Variants in CCDC180 observed in about 807,000 individuals in gnomAD.
The protein encoded by CCDC180 is coiled-coil domain-containing protein 180.
Under a neutral mutation model 209.2 loss-of-function variants are expected in CCDC180, and 154 were observed. That is an observed-to-expected ratio of 0.74 (90% CI 0.65 to 0.84). The LOEUF is 0.84. Among genes scored for constraint, CCDC180 ranks in the 40% least tolerant of loss-of-function variants. The probability of loss-of-function intolerance (pLI) is 0.00; values close to 1 mark genes in which losing one functional copy is unlikely to be tolerated. For missense variants in CCDC180, 1,874 were observed against 1,997.3 expected (o/e 0.94, Z 1.18); for synonymous variants, 778 against 749.1 (o/e 1.04, Z -0.63).
chr9:97,333,711 T>A (rs1339754503), intron 18 of CCDC180, among the ~76,000 whole-genome samples: 1 of 151,936 alleles, frequency 6.6e-6, no homozygotes, highest in Admixed American at 6.6e-5. Flanking sequence ...TGTTGGAGTT[T>A]TTTTTTGTAT....
chr9:97,322,743 G>A, intron 11 of CCDC180, 90 bp from the exon 12 acceptor site: 1 of 1,054,318 alleles, frequency 9.5e-7, no homozygotes, highest in Non-Finnish European at 1.5e-6. Context: ...TGTTGCTGTG[G>A]AGGCATTTTG....
chr9:97,339,583 T>G (rs576585716), intron 18 of CCDC180, among the ~76,000 whole-genome samples: 2 of 152,324 alleles, frequency 1.3e-5, no homozygotes, highest in Admixed American at 6.5e-5. Flanking sequence ...CTCTGGCTGC[T>G]CTTGGCATTT....
At chr9:97,315,802 G>A (rs1269703704) in intron 8 of CCDC180, among the ~76,000 whole-genome samples, 1 of 152,160 alleles carries the variant, frequency 6.6e-6, no homozygotes, top group Non-Finnish European at 1.5e-5. Context: ...GCCCAGATGT[G>A]GAAGCTTCTG....
At chr9:97,307,549 C>A, upstream of CCDC180, 2 of 622,040 alleles carry the variant, frequency 3.2e-6, no homozygotes, top group Admixed American at 5.5e-5. Flanking sequence ...TGACCTGAAT[C>A]AGGTTACTCT....
At chr9:97,334,672 C>T (rs1196057572) in intron 18 of CCDC180, among the ~76,000 whole-genome samples, 1 of 151,900 alleles carries the variant, frequency 6.6e-6, no homozygotes, top group South Asian at 2.1e-4. Context: ...GCTATTTTTT[C>T]CCACTGATGA....
At chr9:97,336,661 CA>C (rs1564159582) in intron 18 of CCDC180, among the ~76,000 whole-genome samples, 2 of 151,932 alleles carry the variant, frequency 1.3e-5, no homozygotes, top group African/African-American at 4.8e-5. Context: ...TTTTTGGCTC[CA>C]TATAGACTTT....
chr9:97,309,396 G>A lies in CCDC180; in HGVS notation c.70-18G>A, dbSNP rs751888188. ...CAGCTCTGACCACTCCCCCATCCTT[G>A]GTCCTCCCTGGATTCAGGTGCAGCT... On this transcript the variant is annotated intron_variant, in intron 2 of 36. Coordinates refer to ENST00000529487, the MANE Select transcript of CCDC180 (RefSeq NM_020893.6). 3.8e-6 allele frequency: 6 copies of A among 1,594,828 alleles called. No individual in the cohort carries two copies. The Admixed American group carries it at 5.3e-5, about 14-fold the overall frequency.
chr9:97,309,381 C>A, intron 2 of CCDC180, 33 bp from the exon 3 acceptor site: 2 of 1,588,378 alleles, frequency 1.3e-6, no homozygotes, highest in South Asian at 2.3e-5. Context: ...CAGCTCTGAC[C>A]ACTCCCCCAT....
chr9:97,312,700 G>A (rs1319338771), intron 4 of CCDC180, among the ~76,000 whole-genome samples: 1 of 71,562 alleles, frequency 1.4e-5, no homozygotes, highest in Non-Finnish European at 2.6e-5. Context: ...ACCCACCCCC[G>A]GTTAACCCAC....
At chr9:97,357,857 A>T in intron 25 of CCDC180, 132 bp downstream of exon 25, 1 of 660,624 alleles carries the variant, frequency 1.5e-6, no homozygotes, top group South Asian at 2.1e-5. Context: ...GACATCTCTG[A>T]GCCTTCCTAC....
chr9:97,318,394 T>C (rs1833247511), intron 9 of CCDC180, 69 bp from the exon 10 acceptor site: 4 of 1,575,476 alleles, frequency 2.5e-6, no homozygotes, highest in Middle Eastern at 1.7e-4. Context: ...ACCATGGTTC[T>C]CTTTCCCTCT....
intron 29 of CCDC180, 47 bp from the exon 30 acceptor site, chr9:97,365,626 T>C (rs777174142): frequency 1.3e-6 from 2 of 1,546,496 alleles, no homozygotes; most frequent in South Asian, 2.2e-5. Context: ...TCCATGTTTG[T>C]GTGTCTAGAC....
intron 18 of CCDC180, among the ~76,000 whole-genome samples, chr9:97,332,046 A>G (rs1331711927): frequency 6.6e-6 from 1 of 152,138 alleles, no homozygotes; most frequent in Admixed American, 6.6e-5. Context: ...ACATTTAAGT[A>G]TTTAATTCAT....
intron 22 of CCDC180, among the ~76,000 whole-genome samples, 195 bp from the exon 23 acceptor site, chr9:97,354,374 T>G (rs142795190): frequency 5.5e-4 from 84 of 152,330 alleles, no homozygotes; most frequent in Non-Finnish European, 9.7e-4. Flanking sequence ...TCCAACCTGA[T>G]GAACTGACAA....
At chr9:97,333,041 T>C (rs1442859191) in intron 18 of CCDC180, among the ~76,000 whole-genome samples, 1 of 152,218 alleles carries the variant, frequency 6.6e-6, no homozygotes, top group Non-Finnish European at 1.5e-5. Flanking sequence ...GTATGTTCTT[T>C]CAATGCCTAG....
rs774655587 is a variant in CCDC180 at position 97,330,369 on chromosome 9, A to G, written c.1876A>G (p.Lys626Glu). 5.0e-6 allele frequency: 8 copies of G among 1,614,042 alleles called. No homozygotes were observed. The highest frequency in any genetic ancestry group is 6.8e-6 in the Non-Finnish European group (8 of 1,180,040). Residue 626 changes from lysine to glutamate, a missense_variant, in exon 18 of 37, where the codon AAG becomes GAG. Transcript: ENST00000529487. ...GAAGAGAGTGAAAAAACTGAGGAAG[A>G]AGCAAGGGTCTAAAGAGGACATGAC... is the stretch of plus-strand genomic sequence containing the variant. ...SQKRVKKLRKKQGSKEDMTRS... is the reference protein window; with the variant it reads ...SQKRVKKLRKEQGSKEDMTRS...
chr9:97,342,399 C>T (rs141012147), intron 18 of CCDC180, among the ~76,000 whole-genome samples: 98 of 149,716 alleles, frequency 6.5e-4, no homozygotes, highest in Non-Finnish European at 8.8e-4. Context: ...AATGATCTGC[C>T]GCCTCAGCCT....
At chr9:97,314,158 T>C (rs933613416) in intron 5 of CCDC180, among the ~76,000 whole-genome samples, 2 of 152,246 alleles carry the variant, frequency 1.3e-5, no homozygotes, top group Non-Finnish European at 1.5e-5. Flanking sequence ...CTAGGCCCGA[T>C]GTCAGCAGCC....
Position 97,376,899 on chromosome 9 carries a change from C to T in CCDC180, c.*5C>T. ...ATCCAAGGCCTGTATGTGTGACCCT[C>T]CGCCCCACCATGAATAAACACTTTC... On this transcript the variant is annotated 3_prime_UTR_variant, in exon 37 of 37. Coordinates refer to ENST00000529487, the MANE Select transcript of CCDC180 (RefSeq NM_020893.6). 1.2e-6 allele frequency: 2 copies of T among 1,609,858 alleles called. No individual in the cohort carries two copies. The highest frequency in any genetic ancestry group is 1.7e-6 in the Non-Finnish European group (2 of 1,179,086).
Sources: allele counts gnomAD v4.1 joint callset (sites outside exome capture counted in the v4.1 genomes callset), GRCh38; gene constraint gnomAD v4.1.1; transcripts MANE v1.5; gene names NCBI Gene and HGNC (gene_info 2026-07-23, HGNC 2026-07-21).